The following HUWE1 variants were observed in gnomAD, a reference collection of about 807,000 sequenced individuals.
HUWE1 encodes the protein HECT, UBA and WWE domain containing E3 ubiquitin protein ligase 1.
Under a neutral mutation model 299.4 loss-of-function variants are expected in HUWE1, and 18 were observed. That is an observed-to-expected ratio of 0.06 (90% CI 0.04 to 0.09). The LOEUF (loss-of-function observed/expected upper bound fraction) is 0.09, where lower values mean the gene tolerates loss of function less well. Among genes scored for constraint, HUWE1 ranks in the 10% least tolerant of loss-of-function variants. HUWE1 has a pLI of 1.00. For synonymous variants in HUWE1, 1,317 were observed against 1,286.1 expected (o/e 1.02, Z -0.51); for missense variants, 1,832 against 3,462.3 (o/e 0.53, Z 11.82).
chrX:53,621,571 C>T (rs2066147883), intron 19 of HUWE1, among the ~76,000 whole-genome samples: 1 of 107,581 alleles, frequency 9.3e-6, no homozygotes, highest in Admixed American at 1.0e-4. Flanking sequence ...TGGTAACTGC[C>T]CTTGTAACTG....
At chrX:53,601,812 GTA>G (rs1203386614) in intron 28 of HUWE1, among the ~76,000 whole-genome samples, 1 of 109,464 alleles carries the variant, frequency 9.1e-6, no homozygotes, top group Non-Finnish European at 1.9e-5. Flanking sequence ...GGGATTATAG[GTA>G]TGTGCCACCA....
At chrX:53,593,881 G>A (rs1413290777) in intron 31 of HUWE1, among the ~76,000 whole-genome samples, 2 of 111,490 alleles carry the variant, frequency 1.8e-5, no homozygotes, top group African/African-American at 6.5e-5. Context: ...GGTGGATCAC[G>A]AAGTCAGGAG....
At chrX:53,541,991 G>T (rs2061364366) in intron 74 of HUWE1, among the ~76,000 whole-genome samples, 1 of 111,783 alleles carries the variant, frequency 8.9e-6, no homozygotes, top group South Asian at 3.8e-4. Context: ...GACCAGCCTG[G>T]CCAACATGGC....
chrX:53,667,657 G>A lies in HUWE1; in HGVS notation c.-25+12392C>T, dbSNP rs187975984. Among the ~76,000 whole-genome samples, 4 of 111,819 alleles carry A rather than the reference G, an allele frequency of 3.6e-5. No individual in the cohort carries two copies. In the Admixed American group the frequency reaches 3.8e-4, roughly 11 times the overall value. On this transcript the variant is annotated intron_variant, in intron 3 of 83. Coordinates refer to ENST00000262854, the MANE Select transcript of HUWE1 (RefSeq NM_031407.7). ...TCCTAAGTTGAACCATCATTAAGTCGGGGACGCCTGTACTAAGAAATACAA... is the reference window on the plus strand; with the variant it reads ...TCCTAAGTTGAACCATCATTAAGTCAGGGACGCCTGTACTAAGAAATACAA...
chrX:53,558,907 C>T, intron 58 of HUWE1, 64 bp downstream of exon 58: 1 of 1,174,904 alleles, frequency 8.5e-7, no homozygotes, highest in African/African-American at 1.8e-5. Context: ...GGAAACAACT[C>T]TCCACACGTT....
At chrX:53,624,748 A>G (rs2066374039) in intron 18 of HUWE1, 73 bp from the exon 19 acceptor site, 1 of 735,340 alleles carries the variant, frequency 1.4e-6, no homozygotes, top group Non-Finnish European at 2.1e-6. Flanking sequence ...TAATTGAGTG[A>G]TATGTTATGT....
intron 2 of HUWE1, among the ~76,000 whole-genome samples, chrX:53,683,017 T>C (rs2070261258): frequency 9.0e-6 from 1 of 111,354 alleles, no homozygotes; most frequent in South Asian, 3.8e-4. Context: ...ACATGAAGAC[T>C]TGAGGAAATG....
chrX:53,533,010 T>C lies in HUWE1; in HGVS notation c.*299A>G, dbSNP rs981743647. 2.2e-4 allele frequency: 63 copies of C among 282,964 alleles called. 1 individual carries two copies. The highest frequency in any genetic ancestry group is 3.5e-4 in the Admixed American group (6 of 17,140). The allele number at this position is 282,964 out of a possible 1,213,427, so 23.3% of individuals were successfully genotyped here. A position where few individuals can be genotyped will look rare whatever the true frequency, so the allele number is the denominator to read the frequency against. On this transcript the variant is annotated 3_prime_UTR_variant, in exon 84 of 84. Transcript: ENST00000262854. ...TGAACACAGAATCTGAGGAGCACAC[T>C]GTTCAAACAGTTGGGACAGACAGGT...
chrX:53,629,223 T>C (rs1275794870), intron 13 of HUWE1, among the ~76,000 whole-genome samples: 1 of 111,389 alleles, frequency 9.0e-6, no homozygotes, highest in Non-Finnish European at 1.9e-5. Flanking sequence ...ATCCAAAACT[T>C]TGGGAATACC....
At chrX:53,685,081 G>C (rs1603282681) in intron 2 of HUWE1, among the ~76,000 whole-genome samples, 1 of 112,395 alleles carries the variant, frequency 8.9e-6, no homozygotes, top group African/African-American at 3.2e-5. Context: ...AATCTGGCTT[G>C]ATTTGTGGGC....
intron 61 of HUWE1, among the ~76,000 whole-genome samples, chrX:53,553,561 G>A (rs782493795): frequency 5.4e-4 from 58 of 106,826 alleles, no homozygotes; most frequent in Non-Finnish European, 9.3e-4. Flanking sequence ...TGTAATCCAA[G>A]CACTTTGGGA....
At chrX:53,587,492 A>G (rs782282959) in intron 37 of HUWE1, among the ~76,000 whole-genome samples, 39 of 112,419 alleles carry the variant, frequency 3.5e-4, no homozygotes, top group Non-Finnish European at 6.2e-4. Flanking sequence ...AAAAGAATAT[A>G]AAACTTTCTA....
intron 3 of HUWE1, among the ~76,000 whole-genome samples, chrX:53,662,713 T>A (rs781855719): frequency 1.8e-5 from 2 of 112,128 alleles, no homozygotes; most frequent in East Asian, 2.8e-4. Context: ...AGCACACATA[T>A]ATTACTTGAA....
At chrX:53,549,560 T>C (rs1556926811) in intron 66 of HUWE1, 55 bp from the exon 67 acceptor site, 1 of 1,041,157 alleles carries the variant, frequency 9.6e-7, no homozygotes, top group East Asian at 3.1e-5. Flanking sequence ...GCTCTGGGAT[T>C]AGGCATAAGA....
intron 77 of HUWE1, 141 bp from the exon 78 acceptor site, chrX:53,537,837 G>A: frequency 1.5e-6 from 1 of 648,577 alleles, no homozygotes; most frequent in Non-Finnish European, 2.3e-6. Context: ...TTTGGGAAAT[G>A]CCCAGTAGTT....
At chrX:53,617,577 T>TA (rs1234202159) in intron 19 of HUWE1, 131 bp from the exon 20 acceptor site, 31 of 497,709 alleles carry the variant, frequency 6.2e-5, no homozygotes, top group Non-Finnish European at 1.1e-5. Context: ...ACTATGAAAT[T>TA]AAAGATCCTA....
chrX:53,611,071 C>G (rs1268040177), intron 23 of HUWE1, among the ~76,000 whole-genome samples: 1 of 109,380 alleles, frequency 9.1e-6, no homozygotes, highest in Non-Finnish European at 1.9e-5. Flanking sequence ...AAAGGCACCC[C>G]ACGTACCTGG....
At chrX:53,667,542 T>G (rs1467739417) in intron 3 of HUWE1, among the ~76,000 whole-genome samples, 1 of 112,087 alleles carries the variant, frequency 8.9e-6, no homozygotes, top group Non-Finnish European at 1.9e-5. Context: ...TAATATCGAC[T>G]GAAAGTGGAA....
At chrX:53,552,484 C>T (rs782529265) in intron 62 of HUWE1, 43 bp from the exon 63 acceptor site, 1 of 1,207,084 alleles carries the variant, frequency 8.3e-7, no homozygotes, top group Admixed American at 2.2e-5. Flanking sequence ...ATTATGTCTT[C>T]TCGTTTATAA....
Sources: gnomAD v4.1 joint callset for allele counts (sites outside exome capture counted in the v4.1 genomes callset) on GRCh38, gnomAD v4.1.1 for gene constraint, MANE v1.5 for transcripts, NCBI Gene and HGNC (gene_info 2026-07-23, HGNC 2026-07-21) for gene names.